Variants in RB1CC1 observed in about 807,000 individuals in gnomAD.
The protein encoded by RB1CC1 is RB1-inducible coiled-coil protein 1.
In RB1CC1, 46 loss-of-function variants were observed where a neutral mutation model predicts 177.5. The observed-to-expected ratio is 0.26, with a 90% CI of 0.20 to 0.33. RB1CC1 has a LOEUF of 0.33. RB1CC1 is among the 10% of genes least tolerant of loss of function. The pLI is 1.00. For synonymous variants in RB1CC1, 666 were observed against 613.6 expected, an observed-to-expected ratio of 1.09 and a Z score of -1.26; for missense variants, 1,703 against 1,816.3, an observed-to-expected ratio of 0.94 and a Z score of 1.13.
intron 1 of RB1CC1, among the ~76,000 whole-genome samples, chr8:52,688,178 A>G (rs1563445194): frequency 6.6e-6 from 1 of 152,226 alleles, no homozygotes. Flanking sequence ...GCACCTTGAA[A>G]AAGAGCAGAA....
At chr8:52,676,788 AAAG>A (rs1296562390) in intron 5 of RB1CC1, among the ~76,000 whole-genome samples, 3 of 152,210 alleles carry the variant, frequency 2.0e-5, no homozygotes, top group African/African-American at 4.8e-5. Flanking sequence ...GAGACAGTCA[AAAG>A]AAGAATCCAT....
In RB1CC1 at chr8:52,699,858, T is replaced by TATATATATATATATATATAC. The variant is rs756226534; in HGVS notation, c.-166-12892_-166-12891insGTATATATATATATATATAT. Among the ~76,000 whole-genome samples the TATATATATATATATATATAC allele has an allele frequency of 1.5e-4, 15 of 102,768 alleles. No homozygotes were observed. In the East Asian group the frequency reaches 2.7e-3, roughly 19 times the overall value. 67.4% of individuals were successfully genotyped at this position (102,768 alleles called of 152,430 possible). On this transcript the variant is annotated intron_variant, in intron 1 of 23. Transcript: ENST00000025008. Reference sequence around the variant, plus strand: ...ATATATATATATATATATATATATATACACACAAAAACAAAAGAAAGCTTA... The same window carrying TATATATATATATATATATAC: ...ATATATATATATATATATATATATATATATATATATATATATATACACACACAAAAACAAAAGAAAGCTTA...
intron 1 of RB1CC1, among the ~76,000 whole-genome samples, chr8:52,691,841 C>T (rs1017573755): frequency 7.9e-5 from 12 of 152,206 alleles, no homozygotes; most frequent in Admixed American, 4.6e-4. Context: ...GGAAATGTGA[C>T]GCTCATTGCT....
intron 16 of RB1CC1, among the ~76,000 whole-genome samples, chr8:52,644,439 AACAC>A (rs1849835425): frequency 6.6e-6 from 1 of 152,224 alleles, no homozygotes; most frequent in Non-Finnish European, 1.5e-5. Context: ...CTTATAAGAG[AACAC>A]ACAAAGAGAC....
intron 19 of RB1CC1, among the ~76,000 whole-genome samples, chr8:52,635,731 T>G (rs1291291320): frequency 6.6e-6 from 1 of 152,166 alleles, no homozygotes; most frequent in Non-Finnish European, 1.5e-5. Flanking sequence ...AAACTATTAC[T>G]TTACACATTG....
At chr8:52,663,190 T>C (rs142925821) in intron 8 of RB1CC1, among the ~76,000 whole-genome samples, 18 of 152,200 alleles carry the variant, frequency 1.2e-4, no homozygotes, top group African/African-American at 3.8e-4. Flanking sequence ...GATAGCACTG[T>C]AGTACTCACA....
intron 8 of RB1CC1, among the ~76,000 whole-genome samples, chr8:52,664,097 C>A (rs1251473964): frequency 6.6e-6 from 1 of 152,214 alleles, no homozygotes; most frequent in African/African-American, 2.4e-5. Flanking sequence ...TCTGTACATC[C>A]CTTGGCGGCA....
At chr8:52,628,852 T>A (rs1253163932) in intron 21 of RB1CC1, among the ~76,000 whole-genome samples, 1 of 152,194 alleles carries the variant, frequency 6.6e-6, no homozygotes, top group Non-Finnish European at 1.5e-5. Flanking sequence ...AATTGGTAGA[T>A]CCTATACCTA....
In RB1CC1 at chr8:52,657,847, C is replaced by T. The variant is rs1469311834; in HGVS notation, c.1982G>A (p.Gly661Glu). 1 of 1,613,844 alleles carries T rather than the reference C, an allele frequency of 6.2e-7. No homozygotes were observed. The change falls in exon 15 of 24, where the codon GGA (glycine) becomes GAA (glutamate). Residue 661 changes from glycine (G) to glutamate (E), a missense_variant. Physicochemically the swap from Gly to Glu is moderately conservative, Grantham distance 98. Transcript: ENST00000025008. ...ASSPRMESTAGITTTTSPRTP... is the reference protein window; with the variant it reads ...ASSPRMESTAEITTTTSPRTP... ...TCTCGGTGAGGTAGTAGTTGTAATTCCTGCTGTACTTTCCATCCTTGGTGA... is the reference window on the plus strand; with the variant it reads ...TCTCGGTGAGGTAGTAGTTGTAATTTCTGCTGTACTTTCCATCCTTGGTGA...
intron 15 of RB1CC1, among the ~76,000 whole-genome samples, chr8:52,654,346 G>A (rs1391977553): frequency 6.6e-6 from 1 of 152,200 alleles, no homozygotes; most frequent in Non-Finnish European, 1.5e-5. Flanking sequence ...ATAGCTTCCA[G>A]TTTGCCAATG....
intron 5 of RB1CC1, among the ~76,000 whole-genome samples, chr8:52,677,787 G>C (rs907094005): frequency 1.3e-5 from 2 of 152,008 alleles, no homozygotes; most frequent in Non-Finnish European, 2.9e-5. Context: ...CACTAAAATA[G>C]AGTGGGGAAA....
intron 7 of RB1CC1, 29 bp from the exon 8 acceptor site, chr8:52,668,220 C>T (rs777965337): frequency 1.0e-5 from 16 of 1,601,370 alleles, no homozygotes; most frequent in Non-Finnish European, 1.4e-5. Flanking sequence ...CATACGAATA[C>T]AATTTTCAGC....
intron 1 of RB1CC1, among the ~76,000 whole-genome samples, chr8:52,687,481 A>G (rs1854373993): frequency 1.3e-5 from 2 of 152,212 alleles, no homozygotes; most frequent in African/African-American, 4.8e-5. Context: ...AAATATTGCA[A>G]AAATGATGGG....
chr8:52,697,323 T>C (rs1044916139), intron 1 of RB1CC1, among the ~76,000 whole-genome samples: 2 of 151,874 alleles, frequency 1.3e-5, no homozygotes, highest in African/African-American at 2.4e-5. Flanking sequence ...AGAAGACTTT[T>C]TATAAACTAA....
chr8:52,706,395 G>A (rs1208217341), intron 1 of RB1CC1, among the ~76,000 whole-genome samples: 2 of 146,814 alleles, frequency 1.4e-5, no homozygotes, highest in African/African-American at 2.5e-5. Flanking sequence ...CTTTCACTCA[G>A]TCACCTAGGG....
intron 1 of RB1CC1, among the ~76,000 whole-genome samples, chr8:52,711,411 CTCA>C (rs1333946684): frequency 6.6e-6 from 1 of 152,184 alleles, no homozygotes; most frequent in African/African-American, 2.4e-5. Flanking sequence ...TAAGCAAAAA[CTCA>C]TCAACCTAGC....
rs34252496 is a variant in RB1CC1 at position 52,674,039 on chromosome 8, C to G, written c.808G>C (p.Ala270Pro). The G allele has an allele frequency of 5.0e-6, 8 of 1,613,998 alleles. No individual in the cohort carries two copies. The South Asian group carries it at 8.8e-5, about 18-fold the overall frequency. ...ATTTCTTTGCCACTTTCAGCATCTGCGGTATCTGGGGACACATGTTCCACT... is the reference window on the plus strand; with the variant it reads ...ATTTCTTTGCCACTTTCAGCATCTGGGGTATCTGGGGACACATGTTCCACT... ...KSVEHVSPDT[A>P]DAESGKEIRE... Residue 270 changes from alanine to proline, a missense_variant, in exon 7 of 24, where the codon GCA becomes CCA. Coordinates refer to ENST00000025008, the MANE Select transcript of RB1CC1 (RefSeq NM_014781.5).
intron 1 of RB1CC1, among the ~76,000 whole-genome samples, chr8:52,700,723 T>C (rs1282719281): frequency 6.6e-6 from 1 of 152,186 alleles, no homozygotes; most frequent in Non-Finnish European, 1.5e-5. Flanking sequence ...TATGCTTTAC[T>C]AAATAAAGGG....
chr8:52,687,952 T>C (rs1854426032), intron 1 of RB1CC1, among the ~76,000 whole-genome samples: 1 of 152,222 alleles, frequency 6.6e-6, no homozygotes. Context: ...AGCGACCAGC[T>C]GGAGCCACAG....
Sources: gnomAD v4.1 joint callset for allele counts (sites outside exome capture counted in the v4.1 genomes callset) on GRCh38, gnomAD v4.1.1 for gene constraint, MANE v1.5 for transcripts, NCBI Gene and HGNC (gene_info 2026-07-23, HGNC 2026-07-21) for gene names.